Variants in ROBO2 observed in about 807,000 individuals in gnomAD.
ROBO2 encodes roundabout guidance receptor 2.
In ROBO2, 53 loss-of-function variants were observed where a neutral mutation model predicts 160.8. That is an observed-to-expected ratio of 0.33 (90% CI 0.26 to 0.41). The LOEUF (loss-of-function observed/expected upper bound fraction) is 0.41. ROBO2 is among the 10% of genes least tolerant of loss of function. The probability of loss-of-function intolerance (pLI) is 1.00; values close to 1 mark genes in which losing one functional copy is unlikely to be tolerated. For synonymous variants in ROBO2, 664 were observed against 611.7 expected (o/e 1.09, Z -1.26); for missense variants, 1,577 against 1,722.4 (o/e 0.92, Z 1.49).
chr3:76,219,708 A>C (rs1005651064), intron 2 of ROBO2, among the ~76,000 whole-genome samples: 8 of 152,154 alleles, frequency 5.3e-5, no homozygotes, highest in Non-Finnish European at 8.8e-5. Context: ...GAGAAATAGG[A>C]ACACTTTTAC....
At chr3:76,925,875 C>A (rs1474935768) in intron 2 of ROBO2, among the ~76,000 whole-genome samples, 1 of 152,134 alleles carries the variant, frequency 6.6e-6, no homozygotes, top group Non-Finnish European at 1.5e-5. Flanking sequence ...ATGGATAAAG[C>A]CAGTTCAGAA....
chr3:76,078,083 A>G (rs2068700653), intron 2 of ROBO2, among the ~76,000 whole-genome samples: 3 of 152,186 alleles, frequency 2.0e-5, no homozygotes, highest in Admixed American at 6.5e-5. Flanking sequence ...TTCTTCCCTT[A>G]GTGGCAATTA....
At position 76,034,186 on chromosome 3, in the gene ROBO2, A is replaced by G. The variant is rs572554727; in HGVS notation, c.109+96584A>G. On this transcript the variant is annotated intron_variant, in intron 2 of 26. Coordinates refer to the ROBO2 transcript ENST00000487694. Reference sequence around the variant, plus strand: ...CCTTTGAAATGAATAGCTGCACCCAATATCATTTTGCTTTGAATAAGGCAG... The same window carrying G: ...CCTTTGAAATGAATAGCTGCACCCAGTATCATTTTGCTTTGAATAAGGCAG... Among the ~76,000 whole-genome samples the G allele has an allele frequency of 1.2e-4, 19 of 152,326 alleles. 1 individual carries two copies. The South Asian group carries it at 2.9e-3, about 23-fold the overall frequency.
At chr3:76,869,896 C>T (rs2071844001) in intron 2 of ROBO2, among the ~76,000 whole-genome samples, 1 of 152,026 alleles carries the variant, frequency 6.6e-6, no homozygotes, top group Admixed American at 6.6e-5. Context: ...GGCCCTTTAA[C>T]AATTCTCATC....
rs550949764 is a variant in ROBO2 at position 76,879,222 on chromosome 3, A to T, written c.110-218792A>T. Among the ~76,000 whole-genome samples the T allele has an allele frequency of 1.7e-3, 266 of 152,178 alleles. 1 individual carries two copies. Among genetic ancestry groups the T allele is most frequent in the Middle Eastern group, 3.4e-3 (1 of 294 alleles). On this transcript the variant is annotated intron_variant, in intron 2 of 26. Transcript: ENST00000487694. ...CATAGTCGAAGGAAATGTGAAGGGG[A>T]GAAGAGAAAAATCATGTATTCACTT... is the stretch of plus-strand genomic sequence containing the variant.
chr3:77,343,286 A>T (rs1158762462), intron 2 of ROBO2, among the ~76,000 whole-genome samples: 1 of 152,122 alleles, frequency 6.6e-6, no homozygotes, highest in Non-Finnish European at 1.5e-5. Flanking sequence ...GAGAGGACTG[A>T]ATTTTTCTCT....
At chr3:76,373,466 T>G (rs771224974) in intron 2 of ROBO2, among the ~76,000 whole-genome samples, 1 of 151,956 alleles carries the variant, frequency 6.6e-6, no homozygotes, top group Non-Finnish European at 1.5e-5. Flanking sequence ...TCATGGACAC[T>G]CTTGGATGGA....
chr3:76,002,530 G>C (rs1054659695), intron 2 of ROBO2, among the ~76,000 whole-genome samples: 2 of 152,068 alleles, frequency 1.3e-5, no homozygotes, highest in African/African-American at 2.4e-5. Flanking sequence ...AAGATCTGTT[G>C]GTTTGATAAG....
At chr3:76,353,655 A>G (rs2075002497) in intron 2 of ROBO2, among the ~76,000 whole-genome samples, 1 of 151,976 alleles carries the variant, frequency 6.6e-6, no homozygotes, top group South Asian at 2.1e-4. Flanking sequence ...TTTCTCAAAC[A>G]TGGAAATACA....
At chr3:77,613,787 G>A (rs555459560) in intron 21 of ROBO2, among the ~76,000 whole-genome samples, 139 of 152,242 alleles carry the variant, frequency 9.1e-4, no homozygotes, top group African/African-American at 3.2e-3. Flanking sequence ...CATGTGAAAA[G>A]TTAAATACTA....
intron 24 of ROBO2, among the ~76,000 whole-genome samples, chr3:77,637,944 G>T (rs530008758): frequency 1.4e-3 from 209 of 152,030 alleles, no homozygotes; most frequent in Non-Finnish European, 2.4e-3. Context: ...TTTCAAAATT[G>T]CCAGCATTTC....
chr3:76,764,936 A>T (rs773446977), intron 2 of ROBO2, among the ~76,000 whole-genome samples: 30 of 151,844 alleles, frequency 2.0e-4, no homozygotes, highest in Non-Finnish European at 2.8e-4. Context: ...TTTATGGGAT[A>T]CAAAAGTGCA....
chr3:76,066,432 T>C (rs1359103891), intron 2 of ROBO2, among the ~76,000 whole-genome samples: 1 of 152,152 alleles, frequency 6.6e-6, no homozygotes, highest in Non-Finnish European at 1.5e-5. Context: ...GTACAAAATA[T>C]TAAATTATGA....
chr3:77,260,286 A>C (rs535306220), intron 2 of ROBO2, among the ~76,000 whole-genome samples: 17 of 152,328 alleles, frequency 1.1e-4, no homozygotes, highest in African/African-American at 4.1e-4. Context: ...TTGAAATAGA[A>C]GATATACATT....
intron 2 of ROBO2, among the ~76,000 whole-genome samples, chr3:76,844,786 GAAGA>G (rs1456397328): frequency 6.6e-6 from 1 of 151,808 alleles, no homozygotes; most frequent in East Asian, 1.9e-4. Flanking sequence ...ACCTAAGACT[GAAGA>G]AAGAATAAAA....
chr3:76,850,775 A>T (rs550848570), intron 2 of ROBO2, among the ~76,000 whole-genome samples: 1 of 152,234 alleles, frequency 6.6e-6, no homozygotes, highest in South Asian at 2.1e-4. Flanking sequence ...TAGCAAGCAG[A>T]AATTAGGGGA....
At chr3:76,788,016 A>G (rs540187152) in intron 2 of ROBO2, among the ~76,000 whole-genome samples, 1 of 151,532 alleles carries the variant, frequency 6.6e-6, no homozygotes, top group African/African-American at 2.4e-5. Flanking sequence ...CTTGAGTCCA[A>G]ATAGAAAACA....
intron 2 of ROBO2, among the ~76,000 whole-genome samples, chr3:76,513,943 A>G (rs904342601): frequency 6.6e-6 from 1 of 152,180 alleles, no homozygotes; most frequent in Non-Finnish European, 1.5e-5. Flanking sequence ...AAATGTTAAC[A>G]ATCATTTTTT....
At chr3:76,992,284 C>T (rs925183781) in intron 2 of ROBO2, among the ~76,000 whole-genome samples, 1 of 144,372 alleles carries the variant, frequency 6.9e-6, no homozygotes, top group African/African-American at 2.5e-5. Flanking sequence ...CTTGCATTTC[C>T]TATCAACCAT....
Sources: gnomAD v4.1 joint callset for allele counts (sites outside exome capture counted in the v4.1 genomes callset) on GRCh38, gnomAD v4.1.1 for gene constraint, MANE v1.5 for transcripts, NCBI Gene and HGNC (gene_info 2026-07-23, HGNC 2026-07-21) for gene names.